Variants in TMCO1 observed in about 807,000 individuals in gnomAD.
TMCO1 encodes calcium load-activated calcium channel.
Under a neutral mutation model 29.3 loss-of-function variants are expected in TMCO1, and 29 were observed. That is an observed-to-expected ratio of 0.99 (90% CI 0.74 to 1.35). The LOEUF is 1.35. Among genes scored for constraint, TMCO1 ranks in the 40% most tolerant of loss-of-function variants. The pLI, the probability that TMCO1 is intolerant of heterozygous loss-of-function variation, is 0.00. For missense variants in TMCO1, 173 were observed against 225.5 expected, an observed-to-expected ratio of 0.77 and a Z score of 1.49; for synonymous variants, 80 against 77.1, an observed-to-expected ratio of 1.04 and a Z score of -0.20.
At position 165,768,758 on chromosome 1, in the gene TMCO1, C is replaced by CCTTCG. The variant is rs2101821406; in HGVS notation, c.-12_-8dup. On this transcript the variant is annotated 5_prime_UTR_variant, in exon 1 of 7. Coordinates refer to ENST00000367881, the MANE Select transcript of TMCO1 (RefSeq NM_019026.6). ...CCGCGAACATAGTGCTCATCTCGCACCTTCGTCTCTGCACTCTCACCCGCC... is the reference window on the plus strand; with the variant it reads ...CCGCGAACATAGTGCTCATCTCGCACCTTCGCTTCGTCTCTGCACTCTCACCCGCC... 6.2e-7 allele frequency: 1 copy of CCTTCG among 1,614,130 alleles called. No individual in the cohort carries two copies. The highest frequency in any genetic ancestry group is 1.7e-5 in the Admixed American group (1 of 60,024).
intron 6 of TMCO1, among the ~76,000 whole-genome samples, chr1:165,742,853 G>A (rs1216986204): frequency 6.6e-6 from 1 of 152,118 alleles, no homozygotes; most frequent in Non-Finnish European, 1.5e-5. Flanking sequence ...TGAAGAAATG[G>A]TACTGGGAAG....
intron 5 of TMCO1, among the ~76,000 whole-genome samples, chr1:165,750,026 C>G (rs73022554): frequency 1.3e-5 from 2 of 152,002 alleles, no homozygotes; most frequent in African/African-American, 2.4e-5. Flanking sequence ...TAAGCAGATA[C>G]ATCATAATTT....
chr1:165,740,508 C>A (rs1332783732), intron 6 of TMCO1, among the ~76,000 whole-genome samples: 1 of 152,074 alleles, frequency 6.6e-6, no homozygotes, highest in Non-Finnish European at 1.5e-5. Context: ...CCTGGCCCAT[C>A]ATATTGTGTT....
intron 6 of TMCO1, among the ~76,000 whole-genome samples, chr1:165,738,215 C>T (rs1373949569): frequency 6.6e-6 from 1 of 152,146 alleles, no homozygotes; most frequent in East Asian, 1.9e-4. Context: ...ATTGCTTGAA[C>T]CTGGGAGGTG....
chr1:165,751,204 T>C (rs1051315873), intron 5 of TMCO1, among the ~76,000 whole-genome samples: 2 of 152,190 alleles, frequency 1.3e-5, no homozygotes, highest in Non-Finnish European at 2.9e-5. Context: ...AACAAGATTA[T>C]AGTTATTAAG....
chr1:165,732,099 C>T (rs1329326298), intron 6 of TMCO1, among the ~76,000 whole-genome samples: 1 of 152,162 alleles, frequency 6.6e-6, no homozygotes, highest in Non-Finnish European at 1.5e-5. Context: ...CATGTAGGAA[C>T]TAAGTGATGG....
intron 6 of TMCO1, among the ~76,000 whole-genome samples, chr1:165,728,494 G>A (rs1359044122): frequency 2.0e-5 from 3 of 152,058 alleles, no homozygotes; most frequent in Non-Finnish European, 4.4e-5. Flanking sequence ...CTGACCTCAT[G>A]ATCTGCCCAC....
At chr1:165,760,526 G>A (rs1470915290) in intron 2 of TMCO1, among the ~76,000 whole-genome samples, 4 of 151,822 alleles carry the variant, frequency 2.6e-5, no homozygotes, top group East Asian at 1.9e-4. Context: ...ATAGTGGGCC[G>A]GGTGCAGCGG....
chr1:165,757,680 TAG>T (rs1652250086), intron 3 of TMCO1, among the ~76,000 whole-genome samples: 1 of 152,214 alleles, frequency 6.6e-6, no homozygotes, highest in Non-Finnish European at 1.5e-5. Flanking sequence ...GTATTTTTAG[TAG>T]AGACGGGGTT....
chr1:165,724,638 C>T (rs146304148), downstream of TMCO1: 76 of 454,060 alleles, frequency 1.7e-4, 1 homozygote, highest in East Asian at 4.0e-3. Flanking sequence ...TTCTGATACA[C>T]TCTAGTTTGA....
chr1:165,756,262 G>C (rs1344267189), intron 3 of TMCO1, among the ~76,000 whole-genome samples: 1 of 152,130 alleles, frequency 6.6e-6, no homozygotes, highest in African/African-American at 2.4e-5. Context: ...GGTTGGGAGT[G>C]GGGAAGGACA....
chr1:165,760,238 C>G (rs1261870703), intron 2 of TMCO1, among the ~76,000 whole-genome samples: 3 of 151,806 alleles, frequency 2.0e-5, no homozygotes, highest in Non-Finnish European at 4.4e-5. Flanking sequence ...CCAGCCTGGC[C>G]AACATATAGT....
intron 6 of TMCO1, among the ~76,000 whole-genome samples, chr1:165,739,248 C>G (rs138354706): frequency 6.6e-6 from 1 of 152,154 alleles, no homozygotes. Context: ...AAAATATTTG[C>G]TATCTAGACC....
At chr1:165,728,670 G>A (rs186844919) in intron 6 of TMCO1, among the ~76,000 whole-genome samples, 9 of 152,128 alleles carry the variant, frequency 5.9e-5, no homozygotes, top group African/African-American at 1.9e-4. Flanking sequence ...GATTTTTTTC[G>A]AGTAGAGAAT....
chr1:165,750,176 T>A (rs1438802837), intron 5 of TMCO1, among the ~76,000 whole-genome samples: 1 of 152,162 alleles, frequency 6.6e-6, no homozygotes, highest in Non-Finnish European at 1.5e-5. Context: ...CCTAAGGGAA[T>A]AATAAGTATA....
chr1:165,744,719 G>A (rs1042156414), intron 5 of TMCO1, among the ~76,000 whole-genome samples: 1 of 150,284 alleles, frequency 6.7e-6, no homozygotes, highest in Non-Finnish European at 1.5e-5. Flanking sequence ...GAACCCGCGA[G>A]GCAGAGGTTG....
At chr1:165,743,947 A>G (rs112108024) in intron 5 of TMCO1, among the ~76,000 whole-genome samples, 2,002 of 148,894 alleles carry the variant, frequency 0.013, 54 homozygotes, top group African/African-American at 0.048. Flanking sequence ...TGCAACCTCC[A>G]CCTCCTGCTT....
chr1:165,759,141 T>TCAC (rs1292092913), intron 3 of TMCO1, among the ~76,000 whole-genome samples: 17 of 152,160 alleles, frequency 1.1e-4, no homozygotes, highest in Non-Finnish European at 2.2e-4. Context: ...TGGATTTCCA[T>TCAC]CACTAGTCAA....
At chr1:165,725,463 C>CA (rs539370000), downstream of TMCO1, 529 of 454,086 alleles carry the variant, frequency 1.2e-3, 5 homozygotes, top group Admixed American at 1.6e-3. Context: ...TTAATAAACT[C>CA]AGGTTTACTG....
Sources: gnomAD v4.1 joint callset for allele counts (sites outside exome capture counted in the v4.1 genomes callset) on GRCh38, gnomAD v4.1.1 for gene constraint, MANE v1.5 for transcripts, NCBI Gene and HGNC (gene_info 2026-07-23, HGNC 2026-07-21) for gene names.